COL23A1: variants seen among roughly 807,000 people sequenced by gnomAD.
COL23A1 encodes collagen alpha-1(XXIII) chain.
A neutral mutation model predicts 99.3 loss-of-function variants in COL23A1; 97 were observed. The ratio of observed to expected loss-of-function variants is 0.98; its 90% CI spans 0.83 to 1.16. COL23A1 has a LOEUF of 1.16. Ranked by LOEUF, COL23A1 falls within the 50% of genes most tolerant of loss-of-function variation. The pLI is 0.00. For missense variants in COL23A1, 762 were observed against 757.4 expected (o/e 1.01, Z -0.07); for synonymous variants, 320 against 308.2 (o/e 1.04, Z -0.40).
At chr5:178,420,063 C>G (rs931303202) in intron 2 of COL23A1, among the ~76,000 whole-genome samples, 1 of 152,162 alleles carries the variant, frequency 6.6e-6, no homozygotes, top group African/African-American at 2.4e-5. Context: ...TAAACTCCAT[C>G]AAATTTAACT....
intron 2 of COL23A1, among the ~76,000 whole-genome samples, chr5:178,321,480 C>CTTTTTTTTTTTTTTTT (rs570803192): frequency 3.7e-5 from 4 of 109,040 alleles, no homozygotes; most frequent in Non-Finnish European, 5.4e-5. Flanking sequence ...GTCACCTTCC[C>CTTTTTTTTTTTTTTTT]TTTTTTTTTT....
At chr5:178,305,080 G>A (rs1758278699) in intron 3 of COL23A1, among the ~76,000 whole-genome samples, 1 of 152,010 alleles carries the variant, frequency 6.6e-6, no homozygotes, top group Non-Finnish European at 1.5e-5. Flanking sequence ...ATAATAAAAG[G>A]CAATAAAACC....
At chr5:178,265,792 T>C in intron 8 of COL23A1, 1 of 828,100 alleles carries the variant, frequency 1.2e-6, no homozygotes, top group Non-Finnish European at 1.5e-6. Flanking sequence ...ACAAGGCTTT[T>C]TGAAACCTGG....
rs568801765 is a variant in COL23A1 at position 178,552,999 on chromosome 5, C to T, written c.361+7683G>A. 1.5e-3 allele frequency among the ~76,000 whole-genome samples: 224 copies of T among 152,156 alleles called. 1 individual carries two copies. The highest frequency in any genetic ancestry group is 4.9e-3 in the African/African-American group (204 of 41,518). On this transcript the variant is annotated intron_variant, in intron 2 of 28. Coordinates refer to ENST00000390654, the MANE Select transcript of COL23A1 (RefSeq NM_173465.4). ...CTGGGATTACAGGCGTGAGCCACTGCGCCTGGCCAGGAAAATTTTTTTTAA... is the reference window on the plus strand; with the variant it reads ...CTGGGATTACAGGCGTGAGCCACTGTGCCTGGCCAGGAAAATTTTTTTTAA...
chr5:178,455,234 C>T (rs1441246835), intron 2 of COL23A1, among the ~76,000 whole-genome samples: 1 of 152,222 alleles, frequency 6.6e-6, no homozygotes, highest in Non-Finnish European at 1.5e-5. Flanking sequence ...GACTGGGTCA[C>T]CGATGAAGGC....
chr5:178,526,708 G>A (rs919290119), intron 2 of COL23A1, among the ~76,000 whole-genome samples: 2 of 152,070 alleles, frequency 1.3e-5, no homozygotes, highest in Non-Finnish European at 2.9e-5. Context: ...AAGGATAGAG[G>A]GGGTTCAGGC....
intron 5 of COL23A1, 155 bp from the exon 6 acceptor site, chr5:178,270,518 G>T: frequency 1.2e-6 from 1 of 843,712 alleles, no homozygotes; most frequent in Non-Finnish European, 1.9e-6. Context: ...TGAGGGAGGG[G>T]AAGGCATCTG....
At chr5:178,512,435 C>T (rs929844409) in intron 2 of COL23A1, among the ~76,000 whole-genome samples, 4 of 152,100 alleles carry the variant, frequency 2.6e-5, no homozygotes, top group South Asian at 4.1e-4. Context: ...AGATATATCC[C>T]GGGTGTCCAC....
intron 2 of COL23A1, among the ~76,000 whole-genome samples, chr5:178,455,585 C>T (rs764603433): frequency 3.9e-5 from 6 of 152,228 alleles, no homozygotes; most frequent in East Asian, 1.9e-4. Flanking sequence ...GCGAGAATCA[C>T]GGGAGTCCCC....
rs533618433 is a variant in COL23A1 at position 178,267,682 on chromosome 5, C to T, written c.496-349G>A. 3.3e-5 allele frequency among the ~76,000 whole-genome samples: 5 copies of T among 152,312 alleles called. No individual in the cohort carries two copies. The South Asian group carries it at 1.0e-3, about 32-fold the overall frequency. On this transcript the variant is annotated intron_variant, in intron 7 of 28. Coordinates refer to ENST00000390654, the MANE Select transcript of COL23A1 (RefSeq NM_173465.4). ...ACGGTAATGAGTAAATGTTGCTTTACACGGCCAAGTTTTGGGGCAGTGCAT... is the reference window on the plus strand; with the variant it reads ...ACGGTAATGAGTAAATGTTGCTTTATACGGCCAAGTTTTGGGGCAGTGCAT...
At position 178,546,789 on chromosome 5, in the gene COL23A1, GA is replaced by G. The variant is rs551871407; in HGVS notation, c.361+13892del. Among the ~76,000 whole-genome samples the G allele has an allele frequency of 4.6e-3, 699 of 152,326 alleles. 5 individuals carry two copies. The highest frequency in any genetic ancestry group is 0.016 in the African/African-American group (665 of 41,570). On this transcript the variant is annotated intron_variant, in intron 2 of 28. Coordinates refer to ENST00000390654, the MANE Select transcript of COL23A1 (RefSeq NM_173465.4). ...CGCTTCCATCAGCCCCACAAGGACA[GA>G]AGGCAGCCTGAGGCAACTCCGTGCC...
chr5:178,422,688 G>A (rs1765700602), intron 2 of COL23A1, among the ~76,000 whole-genome samples: 1 of 152,122 alleles, frequency 6.6e-6, no homozygotes. Context: ...GGAAGATGCA[G>A]GGAATAAAAT....
intron 2 of COL23A1, among the ~76,000 whole-genome samples, chr5:178,386,685 G>A (rs999135218): frequency 3.3e-5 from 5 of 152,126 alleles, no homozygotes; most frequent in Non-Finnish European, 7.4e-5. Context: ...GGAGGGAAGC[G>A]TTATCAGCGC....
Position 178,369,911 on chromosome 5 carries a change from C to T in COL23A1, c.362-62992G>A, listed in dbSNP as rs775896338. Among the ~76,000 whole-genome samples the T allele has an allele frequency of 7.2e-5, 11 of 152,198 alleles. No individual in the cohort carries two copies. In the South Asian group the frequency reaches 8.3e-4, roughly 11 times the overall value. On this transcript the variant is annotated intron_variant, in intron 2 of 28. Transcript: ENST00000390654. ...AGGGTTGAAACAAATGACCATGCCA[C>T]GGGCCAGGATTTAAGAGGCAAGACC...
At chr5:178,372,522 G>A (rs369818301) in intron 2 of COL23A1, among the ~76,000 whole-genome samples, 6 of 152,190 alleles carry the variant, frequency 3.9e-5, no homozygotes, top group Non-Finnish European at 8.8e-5. Flanking sequence ...CGGGGGCTGC[G>A]GTCCCTGCAA....
chr5:178,452,999 C>G (rs1767571838), intron 2 of COL23A1, among the ~76,000 whole-genome samples: 1 of 152,124 alleles, frequency 6.6e-6, no homozygotes. Context: ...AGAGTGGACA[C>G]AACTGGAATG....
At chr5:178,332,207 CCCTCT>C (rs1433716893) in intron 2 of COL23A1, among the ~76,000 whole-genome samples, 9 of 152,184 alleles carry the variant, frequency 5.9e-5, no homozygotes, top group African/African-American at 9.7e-5. Flanking sequence ...CTTTTGGTCA[CCCTCT>C]CCACACCTGG....
chr5:178,377,678 C>T (rs10079384), intron 2 of COL23A1, among the ~76,000 whole-genome samples: 15,689 of 152,014 alleles, frequency 0.1, 1,619 homozygotes, highest in African/African-American at 0.27. Flanking sequence ...ATGGGAGTGG[C>T]GTGGAGGTGG....
intron 2 of COL23A1, among the ~76,000 whole-genome samples, chr5:178,358,622 T>C (rs921637374): frequency 6.7e-6 from 1 of 148,988 alleles, no homozygotes; most frequent in Non-Finnish European, 1.5e-5. Context: ...TGTATGTATG[T>C]GTGTATGTGT....
Sources: allele counts gnomAD v4.1 joint callset (sites outside exome capture counted in the v4.1 genomes callset), GRCh38; gene constraint gnomAD v4.1.1; transcripts MANE v1.5; gene names NCBI Gene and HGNC (gene_info 2026-07-23, HGNC 2026-07-21).